Variants in LHFPL7 observed in about 807,000 individuals in gnomAD.
LHFPL7 encodes LHFPL tetraspan subfamily member 7 protein.
the LHFPL7 span, chr22:24,939,672 C>T: frequency 1.1e-4 from 70 of 637,020 alleles, no homozygotes; most frequent in Admixed American, 1.2e-3. Context: ...ATCATCAGCC[C>T]CCCTTGAGCC....
At chr22:24,935,364 C>G in the LHFPL7 span, 1 of 1,613,638 alleles carries the variant, frequency 6.2e-7, no homozygotes, top group Non-Finnish European at 8.5e-7. Context: ...AAAGATGATT[C>G]TCTCGGTGGC....
At chr22:24,941,733 C>T in the LHFPL7 span, among the ~76,000 whole-genome samples, 6 of 151,306 alleles carry the variant, frequency 4.0e-5, no homozygotes, top group South Asian at 6.3e-4. Context: ...TACAGTGGCG[C>T]GATCTCAGCT....
the LHFPL7 span, chr22:24,939,613 G>T: frequency 1.4e-6 from 1 of 693,246 alleles, no homozygotes; most frequent in Non-Finnish European, 2.6e-6. Flanking sequence ...GAAAGGGGCT[G>T]GCCGAGGTGC....
chr22:24,935,504 A>G, the LHFPL7 span: 18 of 1,613,978 alleles, frequency 1.1e-5, no homozygotes, highest in African/African-American at 4.0e-5. Context: ...ACTTCCCACC[A>G]TAATACATGG....
the LHFPL7 span, among the ~76,000 whole-genome samples, chr22:24,945,077 G>A: frequency 6.6e-6 from 1 of 152,078 alleles, no homozygotes; most frequent in Non-Finnish European, 1.5e-5. Context: ...CAAAGTGCTG[G>A]GATTACAGGT....
the LHFPL7 span, chr22:24,935,627 T>C: frequency 5.0e-6 from 8 of 1,591,166 alleles, no homozygotes; most frequent in Non-Finnish European, 6.9e-6. Context: ...GACAATGTGT[T>C]GGCCAAGGGG....
At chr22:24,935,191 G>T in the LHFPL7 span, 1 of 1,113,920 alleles carries the variant, frequency 9.0e-7, no homozygotes, top group Non-Finnish European at 1.3e-6. Context: ...TCATTTTCCA[G>T]AAGAAAAAAC....
the LHFPL7 span, among the ~76,000 whole-genome samples, chr22:24,940,712 C>CCTT: frequency 0.63 from 54,753 of 87,112 alleles, 13,135 homozygotes; most frequent in East Asian, 0.76. Context: ...TCCCTCCTTC[C>CCTT]CTTTCTTTCC....
chr22:24,937,177 A>G, the LHFPL7 span, among the ~76,000 whole-genome samples: 1 of 152,226 alleles, frequency 6.6e-6, no homozygotes, highest in Non-Finnish European at 1.5e-5. Flanking sequence ...AAGTAAGAAG[A>G]TGGAGAATCT....
At chr22:24,940,813 G>A in the LHFPL7 span, among the ~76,000 whole-genome samples, 3 of 145,252 alleles carry the variant, frequency 2.1e-5, no homozygotes, top group Admixed American at 1.4e-4. Context: ...GAGAAAAAAG[G>A]TTGGAGTGCA....
the LHFPL7 span, among the ~76,000 whole-genome samples, chr22:24,941,811 C>A: frequency 6.6e-6 from 1 of 151,226 alleles, no homozygotes; most frequent in Non-Finnish European, 1.5e-5. Context: ...GGATTACAGG[C>A]ACAAGCCATC....
At chr22:24,941,391 G>A in the LHFPL7 span, among the ~76,000 whole-genome samples, 1 of 151,682 alleles carries the variant, frequency 6.6e-6, no homozygotes, top group East Asian at 2.0e-4. Context: ...CTAGCATTAC[G>A]TATTGCATTC....
chr22:24,941,349 A>G, the LHFPL7 span, among the ~76,000 whole-genome samples: 1 of 151,422 alleles, frequency 6.6e-6, no homozygotes. Flanking sequence ...TTGTATTTTT[A>G]GTAGAGATGG....
the LHFPL7 span, among the ~76,000 whole-genome samples, chr22:24,940,475 A>G: frequency 1.3e-5 from 2 of 150,902 alleles, no homozygotes; most frequent in African/African-American, 2.4e-5. Flanking sequence ...GGGCGCCTGT[A>G]GTCCCAGCTA....
At chr22:24,935,285 T>C in the LHFPL7 span, 12 of 1,564,622 alleles carry the variant, frequency 7.7e-6, no homozygotes, top group South Asian at 1.2e-5. Context: ...TACATGATGA[T>C]TTCATAAAAC....
the LHFPL7 span, among the ~76,000 whole-genome samples, chr22:24,942,759 T>C: frequency 6.6e-6 from 1 of 152,118 alleles, no homozygotes; most frequent in Non-Finnish European, 1.5e-5. Context: ...GATCAGTCAA[T>C]GGGCAGGGTG....
the LHFPL7 span, among the ~76,000 whole-genome samples, chr22:24,937,243 A>G: frequency 6.6e-6 from 1 of 152,240 alleles, no homozygotes; most frequent in Non-Finnish European, 1.5e-5. Flanking sequence ...GGAGGCAGTG[A>G]TATCTGAGCA....
the LHFPL7 span, among the ~76,000 whole-genome samples, chr22:24,943,278 G>A: frequency 2.6e-5 from 4 of 152,134 alleles, no homozygotes; most frequent in Admixed American, 6.6e-5. Flanking sequence ...AAGGAGTTTT[G>A]TTCTCCAGAT....
chr22:24,939,482 G>T, the LHFPL7 span: 1 of 703,132 alleles, frequency 1.4e-6, no homozygotes, highest in African/African-American at 1.7e-5. Context: ...TGAGGCTGAA[G>T]GCTGAGGTGC....
Sources: allele counts gnomAD v4.1 joint callset (sites outside exome capture counted in the v4.1 genomes callset), GRCh38; gene constraint gnomAD v4.1.1; transcripts MANE v1.5; gene names NCBI Gene and HGNC (gene_info 2026-07-23, HGNC 2026-07-21).